Variants in DPYD observed in about 807,000 individuals in gnomAD.
DPYD encodes the protein dihydropyrimidine dehydrogenase, also known as dihydropyrimidine dehydrogenase [NADP(+)].
DPYD carries 109 observed loss-of-function variants against 116.2 expected under a neutral mutation model. The ratio of observed to expected loss-of-function variants is 0.94; its 90% CI spans 0.80 to 1.10. The LOEUF (loss-of-function observed/expected upper bound fraction) is 1.10. DPYD is among the 50% of genes least tolerant of loss of function. The probability of loss-of-function intolerance (pLI) is 0.00; values close to 1 mark genes in which losing one functional copy is unlikely to be tolerated. For missense variants in DPYD, 1,302 were observed against 1,254.5 expected (o/e 1.04, Z -0.57); for synonymous variants, 440 against 432.0 (o/e 1.02, Z -0.23).
intron 18 of DPYD, among the ~76,000 whole-genome samples, chr1:97,243,073 C>A (rs867356701): frequency 3.3e-5 from 5 of 151,646 alleles, no homozygotes; most frequent in Admixed American, 6.6e-5. Context: ...ATGGAACTTC[C>A]CTATTCCTTG....
intron 1 of DPYD, among the ~76,000 whole-genome samples, chr1:97,889,356 A>G (rs1049109596): frequency 2.0e-5 from 3 of 152,106 alleles, no homozygotes; most frequent in Non-Finnish European, 2.9e-5. Context: ...AGATGCAACT[A>G]TGTTCTGTCT....
At chr1:97,531,583 C>G (rs1465367644) in intron 12 of DPYD, among the ~76,000 whole-genome samples, 1 of 151,940 alleles carries the variant, frequency 6.6e-6, no homozygotes, top group African/African-American at 2.4e-5. Context: ...TAGCTTTATT[C>G]TTATTTAAAA....
At chr1:97,402,187 C>T (rs961970138) in intron 14 of DPYD, among the ~76,000 whole-genome samples, 43 of 152,088 alleles carry the variant, frequency 2.8e-4, no homozygotes, top group Non-Finnish European at 1.3e-4. Flanking sequence ...ACTGTGATTA[C>T]ATTGCATCTA....
chr1:97,636,142 TA>T (rs1002504957), intron 8 of DPYD, among the ~76,000 whole-genome samples: 2 of 151,484 alleles, frequency 1.3e-5, no homozygotes, highest in African/African-American at 2.4e-5. Flanking sequence ...TAATTTCTAT[TA>T]AAAAAAAATC....
chr1:97,548,316 C>T (rs995630543), intron 12 of DPYD, among the ~76,000 whole-genome samples: 2 of 152,210 alleles, frequency 1.3e-5, no homozygotes, highest in Non-Finnish European at 2.9e-5. Flanking sequence ...AAGTAAGCTA[C>T]TGAGATCTGG....
chr1:97,782,773 A>C (rs1325037482), intron 3 of DPYD, among the ~76,000 whole-genome samples: 1 of 152,138 alleles, frequency 6.6e-6, no homozygotes, highest in Non-Finnish European at 1.5e-5. Context: ...ATAAAGAGTA[A>C]ATTATTTTCC....
chr1:97,408,598 G>A (rs1673803792), intron 14 of DPYD, among the ~76,000 whole-genome samples: 1 of 152,130 alleles, frequency 6.6e-6, no homozygotes, highest in Admixed American at 6.6e-5. Context: ...ATGTTGACAA[G>A]GGGTGGACTT....
chr1:97,769,098 T>C (rs1666018200), intron 3 of DPYD, among the ~76,000 whole-genome samples: 1 of 152,142 alleles, frequency 6.6e-6, no homozygotes, highest in African/African-American at 2.4e-5. Flanking sequence ...TAGCTATTCA[T>C]CTTTCTATTG....
At chr1:97,100,760 CATA>C (rs1440925140) in intron 20 of DPYD, among the ~76,000 whole-genome samples, 2 of 151,894 alleles carry the variant, frequency 1.3e-5, no homozygotes, top group Non-Finnish European at 2.9e-5. Flanking sequence ...AAATTTAAAC[CATA>C]ATGATTTCAA....
intron 15 of DPYD, among the ~76,000 whole-genome samples, chr1:97,381,923 G>A (rs1288033063): frequency 1.3e-5 from 2 of 152,140 alleles, no homozygotes; most frequent in Non-Finnish European, 2.9e-5. Context: ...GCTCTTTTAT[G>A]CATGTCTGTA....
At chr1:97,607,743 A>G (rs914350374) in intron 8 of DPYD, among the ~76,000 whole-genome samples, 7 of 151,942 alleles carry the variant, frequency 4.6e-5, no homozygotes, top group African/African-American at 1.7e-4. Context: ...GTATCAGCTC[A>G]AACTTTCTTG....
chr1:97,464,731 T>C (rs896424230), intron 13 of DPYD, among the ~76,000 whole-genome samples: 11 of 152,132 alleles, frequency 7.2e-5, no homozygotes, highest in African/African-American at 1.2e-4. Flanking sequence ...AGAGGATGTA[T>C]GGAAATGCTT....
Position 97,193,231 on chromosome 1 carries a change from C to T in DPYD, c.2460G>A (p.Gln820=). The part of the protein sequence containing the change: ...ASVLQVCSAI[Q]NQDFTVIEDY... ...CTTCGATCACAGTGAAATCCTGATTCTGAATGGCACTGCATACCTAGAAAA... is the reference window on the plus strand; with the variant it reads ...CTTCGATCACAGTGAAATCCTGATTTTGAATGGCACTGCATACCTAGAAAA... Residue 820 remains glutamine, a synonymous_variant, in exon 20 of 23, where the codon CAG becomes CAA. Coordinates refer to ENST00000370192, the MANE Select transcript of DPYD (RefSeq NM_000110.4). The T allele has an allele frequency of 4.3e-6, 7 of 1,613,580 alleles. No homozygotes were observed. The highest frequency in any genetic ancestry group is 5.9e-6 in the Non-Finnish European group (7 of 1,179,804).
At chr1:97,175,605 C>G (rs558496835) in intron 20 of DPYD, among the ~76,000 whole-genome samples, 1 of 152,038 alleles carries the variant, frequency 6.6e-6, no homozygotes, top group African/African-American at 2.4e-5. Flanking sequence ...GGTGCCAAAG[C>G]GATAAAGGAA....
chr1:97,789,432 A>T (rs1426568627), intron 3 of DPYD, among the ~76,000 whole-genome samples: 1 of 152,168 alleles, frequency 6.6e-6, no homozygotes, highest in Non-Finnish European at 1.5e-5. Flanking sequence ...TGCAAAATTG[A>T]ATCACAAGCT....
chr1:97,146,256 T>A (rs1459796698), intron 20 of DPYD, among the ~76,000 whole-genome samples: 1 of 152,108 alleles, frequency 6.6e-6, no homozygotes, highest in Non-Finnish European at 1.5e-5. Context: ...GTAGAGAGAG[T>A]ATTTTCACTT....
intron 1 of DPYD, among the ~76,000 whole-genome samples, chr1:97,915,378 T>A (rs1674161503): frequency 6.6e-6 from 1 of 152,162 alleles, no homozygotes; most frequent in Non-Finnish European, 1.5e-5. Context: ...GTGAACTGGC[T>A]AAAAGTTATA....
chr1:97,261,533 T>A (rs1460698575), intron 18 of DPYD, among the ~76,000 whole-genome samples: 2 of 149,222 alleles, frequency 1.3e-5, no homozygotes, highest in East Asian at 4.0e-4. Context: ...GAACGATTTG[T>A]GTCTCTCTCC....
chr1:97,175,755 C>T (rs1371142295), intron 20 of DPYD, among the ~76,000 whole-genome samples: 5 of 152,148 alleles, frequency 3.3e-5, no homozygotes, highest in South Asian at 2.1e-4. Flanking sequence ...AAAAATCATC[C>T]TTGAAGCTCA....
Sources: gnomAD v4.1 joint callset for allele counts (sites outside exome capture counted in the v4.1 genomes callset) on GRCh38, gnomAD v4.1.1 for gene constraint, MANE v1.5 for transcripts, NCBI Gene and HGNC (gene_info 2026-07-23, HGNC 2026-07-21) for gene names.